The following SYNJ1 variants were observed in gnomAD, a reference collection of about 807,000 sequenced individuals.
SYNJ1 encodes the protein synaptojanin 1.
In SYNJ1, 78 loss-of-function variants were observed where a neutral mutation model predicts 168.2. The observed-to-expected ratio is 0.46, with a 90% CI of 0.39 to 0.56. The LOEUF is 0.56. Ranked by LOEUF, SYNJ1 falls within the 20% of genes least tolerant of loss-of-function variation. SYNJ1 has a pLI of 0.00. For synonymous variants in SYNJ1, 539 were observed against 548.6 expected (o/e 0.98, Z 0.24); for missense variants, 1,303 against 1,597.6 (o/e 0.82, Z 3.14).
chr21:32,657,101 TAGA>T lies in SYNJ1; in HGVS notation c.2478_2480del (p.Leu827del), dbSNP rs769856515. On this transcript the variant is annotated inframe_deletion, in exon 20 of 33. Transcript: ENST00000674351. ...TGCTTTCATCTTGAAAACTAGCATT[TAGA>T]AGATCTAGATCTTCAGCTGCAGTCA... 18 of 1,611,332 alleles carry T rather than the reference TAGA, an allele frequency of 1.1e-5. No individual in the cohort carries two copies. The highest frequency in any genetic ancestry group is 1.4e-5 in the Non-Finnish European group (17 of 1,177,608).
intron 6 of SYNJ1, among the ~76,000 whole-genome samples, chr21:32,690,052 G>C (rs1187473658): frequency 1.3e-5 from 2 of 152,152 alleles, no homozygotes; most frequent in African/African-American, 2.4e-5. Context: ...ATTTTGCATA[G>C]TACTGCAACG....
chr21:32,690,364 T>C (rs1475981338), intron 6 of SYNJ1, among the ~76,000 whole-genome samples: 1 of 152,190 alleles, frequency 6.6e-6, no homozygotes, highest in East Asian at 1.9e-4. Flanking sequence ...CACGTCACCA[T>C]GCCCGAATGA....
At chr21:32,702,102 T>A in intron 2 of SYNJ1, 55 bp from the exon 3 acceptor site, 1 of 1,250,754 alleles carries the variant, frequency 8.0e-7, no homozygotes, top group Non-Finnish European at 1.1e-6. Context: ...GGATTCTATT[T>A]AGCTAAGTAT....
At chr21:32,718,891 T>C (rs767951757) in intron 2 of SYNJ1, among the ~76,000 whole-genome samples, 1 of 152,204 alleles carries the variant, frequency 6.6e-6, no homozygotes, top group Non-Finnish European at 1.5e-5. Flanking sequence ...ATTACACTCT[T>C]AACCTTAACG....
upstream of SYNJ1, chr21:32,728,176 C>G: frequency 9.3e-7 from 1 of 1,072,254 alleles, no homozygotes; most frequent in Non-Finnish European, 1.3e-6. Context: ...TCTCCAGCTA[C>G]CTTTGCCTCC....
intron 15 of SYNJ1, 110 bp from the exon 16 acceptor site, chr21:32,666,683 A>G: frequency 8.9e-7 from 1 of 1,128,324 alleles, no homozygotes; most frequent in Non-Finnish European, 1.2e-6. Flanking sequence ...AAGACTCTGA[A>G]GGAAGCTTAG....
At position 32,630,901 on chromosome 21, in the gene SYNJ1, C is replaced by G; in HGVS notation, c.*904G>C. The G allele has an allele frequency of 8.1e-7, 1 of 1,227,644 alleles. No homozygotes were observed. The highest frequency in any genetic ancestry group is 1.5e-5 in the South Asian group (1 of 64,940). The allele number at this position is 1,227,644 out of a possible 1,614,324, so 76.0% of individuals were successfully genotyped here. On this transcript the variant is annotated 3_prime_UTR_variant, in exon 33 of 33. Transcript: ENST00000674351. ...TTTTGTGAAGATATCAGTGCACTTA[C>G]AATGACTTATTGCACATAATGAAAT...
chr21:32,704,773 T>C (rs1017165228), intron 2 of SYNJ1, among the ~76,000 whole-genome samples: 1 of 152,192 alleles, frequency 6.6e-6, no homozygotes, highest in Middle Eastern at 3.4e-3. Context: ...TGATCAAGGA[T>C]AATGAGAGCC....
At chr21:32,727,288 A>T (rs185051654) in intron 1 of SYNJ1, among the ~76,000 whole-genome samples, 2 of 152,288 alleles carry the variant, frequency 1.3e-5, no homozygotes, top group Admixed American at 1.3e-4. Flanking sequence ...TTGAAAGGGA[A>T]CCTATTTGGA....
chr21:32,646,966 C>T lies in SYNJ1; in HGVS notation c.3038-364G>A, dbSNP rs117751624. On this transcript the variant is annotated intron_variant, in intron 23 of 32. Coordinates refer to ENST00000674351, the MANE Select transcript of SYNJ1 (RefSeq NM_203446.3). The stretch of plus-strand genomic sequence containing the variant: ...TGTGCTCTGTGGAACTGCCCCACTC[C>T]CTTGCCTAACCCAGGTCCAGCCTCA... Among the ~76,000 whole-genome samples, 7 of 152,266 alleles carry T rather than the reference C, an allele frequency of 4.6e-5. No homozygotes were observed. The East Asian group carries it at 1.2e-3, about 25-fold the overall frequency.
At chr21:32,643,232 G>A (rs2039920085) in intron 27 of SYNJ1, among the ~76,000 whole-genome samples, 178 bp downstream of exon 27, 3 of 151,542 alleles carry the variant, frequency 2.0e-5, no homozygotes, top group African/African-American at 4.9e-5. Context: ...AACTATAGGT[G>A]ACATAGAATG....
chr21:32,712,889 C>T (rs182865413), intron 2 of SYNJ1, among the ~76,000 whole-genome samples: 64 of 152,240 alleles, frequency 4.2e-4, no homozygotes, highest in African/African-American at 1.5e-3. Flanking sequence ...TTTCAGGCGA[C>T]ATACGTATAT....
At chr21:32,676,718 T>C (rs1196569887) in intron 12 of SYNJ1, among the ~76,000 whole-genome samples, 2 of 152,198 alleles carry the variant, frequency 1.3e-5, no homozygotes, top group Admixed American at 6.5e-5. Flanking sequence ...GTTGAAGATA[T>C]GGAAGATACT....
In SYNJ1 at chr21:32,695,137, A is replaced by T; in HGVS notation, c.625T>A (p.Cys209Ser). The part of the protein sequence containing the change: ...AKACLISRLS[C>S]ERAGTRFNVR... The stretch of plus-strand genomic sequence containing the variant: ...TTAAACCTGGTCCCAGCTCGTTCAC[A>T]GCTTAATCTTGAAATGAGGCAAGCC... Residue 209 changes from cysteine to serine, a missense_variant, in exon 5 of 33, where the codon TGT (cysteine) becomes AGT (serine). Physicochemically the swap from Cys to Ser is moderately radical, Grantham distance 112. This residue lies in a region of SYNJ1 where 920 missense variants were observed against 1,208.8 expected (regional missense o/e 0.76). Coordinates refer to ENST00000674351, the MANE Select transcript of SYNJ1 (RefSeq NM_203446.3). 1 of 1,614,140 alleles carries T rather than the reference A, an allele frequency of 6.2e-7. No homozygotes were observed. The highest frequency in any genetic ancestry group is 8.5e-7 in the Non-Finnish European group (1 of 1,180,018).
chr21:32,639,293 T>C (rs535063829), intron 30 of SYNJ1, among the ~76,000 whole-genome samples, 168 bp from the exon 31 acceptor site: 3 of 152,330 alleles, frequency 2.0e-5, no homozygotes, highest in East Asian at 1.9e-4. Flanking sequence ...ATATATGTTG[T>C]AGAAGGTGGG....
At chr21:32,680,024 A>C (rs2041561068) in intron 11 of SYNJ1, among the ~76,000 whole-genome samples, 1 of 152,126 alleles carries the variant, frequency 6.6e-6, no homozygotes, top group African/African-American at 2.4e-5. Context: ...GAAAAGGTAG[A>C]AGTATATAAA....
intron 4 of SYNJ1, among the ~76,000 whole-genome samples, chr21:32,696,728 C>G (rs1159004434): frequency 1.3e-5 from 2 of 152,136 alleles, no homozygotes; most frequent in African/African-American, 4.8e-5. Flanking sequence ...CCCCAACTCC[C>G]TGCCAGCCCC....
intron 2 of SYNJ1, among the ~76,000 whole-genome samples, chr21:32,704,749 T>C (rs1457014462): frequency 6.6e-6 from 1 of 152,062 alleles, no homozygotes; most frequent in African/African-American, 2.4e-5. Context: ...AGGAGAGTGG[T>C]TATCTATGGG....
intron 2 of SYNJ1, among the ~76,000 whole-genome samples, chr21:32,713,763 T>C (rs1390710554): frequency 2.0e-5 from 3 of 152,168 alleles, no homozygotes; most frequent in Non-Finnish European, 4.4e-5. Flanking sequence ...TATGTCAACA[T>C]GGATGATTTC....
Sources: gnomAD v4.1 joint callset for allele counts (sites outside exome capture counted in the v4.1 genomes callset) on GRCh38, gnomAD v4.1.1 for gene constraint, gnomAD v4.1.1 regional missense constraint, MANE v1.5 for transcripts, NCBI Gene and HGNC (gene_info 2026-07-23, HGNC 2026-07-21) for gene names.